CNTNAP4: variants seen among roughly 807,000 people sequenced by gnomAD.
CNTNAP4 encodes the protein contactin associated protein family member 4.
Under a neutral mutation model 148.4 loss-of-function variants are expected in CNTNAP4, and 98 were observed. That is an observed-to-expected ratio of 0.66 (90% CI 0.56 to 0.78). The LOEUF is 0.78. CNTNAP4 is among the 30% of genes least tolerant of loss of function. CNTNAP4 has a pLI of 0.00. For missense variants in CNTNAP4, 1,935 were observed against 1,565.6 expected (o/e 1.24, Z -3.98); for synonymous variants, 730 against 565.1 (o/e 1.29, Z -4.14).
chr16:76,344,415 G>A (rs766488731), intron 2 of CNTNAP4, among the ~76,000 whole-genome samples: 4 of 152,094 alleles, frequency 2.6e-5, no homozygotes, highest in Non-Finnish European at 5.9e-5. Flanking sequence ...TCCACATACC[G>A]TTTTATAAAG....
At chr16:76,436,979 A>G (rs547478263) in intron 4 of CNTNAP4, among the ~76,000 whole-genome samples, 88 of 150,620 alleles carry the variant, frequency 5.8e-4, no homozygotes, top group Admixed American at 9.9e-4. Flanking sequence ...CTATCTATCT[A>G]TCTATCTGTC....
intron 15 of CNTNAP4, among the ~76,000 whole-genome samples, chr16:76,520,757 AG>A (rs1174509176): frequency 6.6e-6 from 1 of 152,198 alleles, no homozygotes; most frequent in East Asian, 1.9e-4. Flanking sequence ...TGTTTAAAGC[AG>A]GTAAGTGTTT....
chr16:76,441,219 A>G (rs7359465), intron 4 of CNTNAP4, among the ~76,000 whole-genome samples: 3,660 of 152,196 alleles, frequency 0.024, 60 homozygotes, highest in African/African-American at 0.045. Context: ...CAAAAAAACA[A>G]AAAGTGTTCT....
intron 2 of CNTNAP4, among the ~76,000 whole-genome samples, chr16:76,334,149 T>C (rs967391777): frequency 7.8e-4 from 118 of 150,902 alleles, no homozygotes; most frequent in African/African-American, 2.7e-3. Context: ...ACCTGCACGT[T>C]GTGCACATGT....
chr16:76,409,926 T>TA (rs1425751112), intron 3 of CNTNAP4, among the ~76,000 whole-genome samples: 2 of 151,898 alleles, frequency 1.3e-5, no homozygotes, highest in African/African-American at 4.8e-5. Flanking sequence ...TATTGAGGCT[T>TA]GTTATGAAGG....
intron 1 of CNTNAP4, among the ~76,000 whole-genome samples, chr16:76,300,873 C>T (rs2143930823): frequency 6.6e-6 from 1 of 152,062 alleles, no homozygotes. Flanking sequence ...AGGGAAGTAC[C>T]TGGATGTCAA....
intron 15 of CNTNAP4, among the ~76,000 whole-genome samples, chr16:76,518,006 T>C (rs1410852244): frequency 1.3e-5 from 2 of 152,194 alleles, no homozygotes; most frequent in African/African-American, 4.8e-5. Context: ...ACTTTCTATA[T>C]GAAATTCAAT....
intron 2 of CNTNAP4, among the ~76,000 whole-genome samples, chr16:76,340,668 A>G (rs1964395242): frequency 6.6e-6 from 1 of 152,188 alleles, no homozygotes; most frequent in Non-Finnish European, 1.5e-5. Context: ...GCCAACACCT[A>G]TTCTAGCATG....
Position 76,553,462 on chromosome 16 carries a change from A to C in CNTNAP4, c.3622A>C (p.Thr1208Pro). 1 of 1,612,438 alleles carries C rather than the reference A, an allele frequency of 6.2e-7. No homozygotes were observed. The highest frequency in any genetic ancestry group is 8.5e-7 in the Non-Finnish European group (1 of 1,179,302). The change falls in exon 22 of 24, where the codon ACT (threonine) becomes CCT (proline). Residue 1208 changes from threonine (T) to proline (P), a missense_variant. Transcript: ENST00000611870. ...GTCCAGCTGTATGGCCCAGCCTGGC[A>C]CTGATGCCACATCAAGGGAAAGGAC... The part of the protein sequence containing the change: ...TESSCMAQPG[T>P]DATSRERTHS...
intron 1 of CNTNAP4, among the ~76,000 whole-genome samples, chr16:76,285,365 T>A (rs1020850963): frequency 1.3e-5 from 2 of 152,068 alleles, no homozygotes; most frequent in African/African-American, 4.8e-5. Flanking sequence ...TTAGTAACTA[T>A]AAAATTTTTT....
intron 7 of CNTNAP4, among the ~76,000 whole-genome samples, chr16:76,450,497 T>C (rs538647735): frequency 6.6e-6 from 1 of 152,288 alleles, no homozygotes; most frequent in East Asian, 1.9e-4. Flanking sequence ...ACTTACCAGA[T>C]GAGCATAAAG....
intron 2 of CNTNAP4, among the ~76,000 whole-genome samples, chr16:76,317,241 A>G (rs1255875640): frequency 1.4e-5 from 2 of 142,978 alleles, no homozygotes; most frequent in Non-Finnish European, 3.0e-5. Context: ...CGACAAAGTG[A>G]GACCCTGTCT....
chr16:76,348,853 A>C (rs1334279503), intron 2 of CNTNAP4, among the ~76,000 whole-genome samples: 3 of 13,000 alleles, frequency 2.3e-4, no homozygotes, highest in Non-Finnish European at 4.5e-4. Context: ...ACATTAAAAG[A>C]AGCCAAAAAA....
intron 11 of CNTNAP4, among the ~76,000 whole-genome samples, chr16:76,478,074 A>G (rs1568333841): frequency 6.6e-6 from 1 of 152,222 alleles, no homozygotes; most frequent in South Asian, 2.1e-4. Context: ...GTTTGTTAAA[A>G]AGCCTTATTA....
intron 2 of CNTNAP4, among the ~76,000 whole-genome samples, chr16:76,335,237 C>T (rs1420966142): frequency 6.6e-6 from 1 of 152,092 alleles, no homozygotes; most frequent in Non-Finnish European, 1.5e-5. Context: ...GAGATAAAAA[C>T]ACATTCAGTG....
chr16:76,380,675 A>G (rs1314280632), intron 3 of CNTNAP4, among the ~76,000 whole-genome samples: 1 of 152,172 alleles, frequency 6.6e-6, no homozygotes, highest in Non-Finnish European at 1.5e-5. Context: ...GTAAGTAGCG[A>G]TACTACCTTT....
chr16:76,469,258 G>C (rs1458828426), intron 10 of CNTNAP4, among the ~76,000 whole-genome samples: 2 of 152,204 alleles, frequency 1.3e-5, no homozygotes, highest in Admixed American at 6.5e-5. Flanking sequence ...TATGAAAAGA[G>C]AGAATTTAGA....
chr16:76,303,898 A>G (rs1222114790), intron 1 of CNTNAP4, among the ~76,000 whole-genome samples: 1 of 152,120 alleles, frequency 6.6e-6, no homozygotes, highest in Non-Finnish European at 1.5e-5. Flanking sequence ...CCATGTGGTT[A>G]CGAATGTTGA....
At chr16:76,531,973 C>T (rs2084003137) in intron 17 of CNTNAP4, among the ~76,000 whole-genome samples, 1 of 152,158 alleles carries the variant, frequency 6.6e-6, no homozygotes, top group Admixed American at 6.5e-5. Flanking sequence ...ATATATTTCA[C>T]ATGTATATAC....
Sources: allele counts gnomAD v4.1 joint callset (sites outside exome capture counted in the v4.1 genomes callset), GRCh38; gene constraint gnomAD v4.1.1; transcripts MANE v1.5; gene names NCBI Gene and HGNC (gene_info 2026-07-23, HGNC 2026-07-21).